Variants in CYP46A1 observed in about 807,000 individuals in gnomAD.
CYP46A1 encodes the protein cytochrome P450 family 46 subfamily A member 1.
Under a neutral mutation model 63.3 loss-of-function variants are expected in CYP46A1, and 20 were observed. The ratio of observed to expected loss-of-function variants is 0.32; its 90% CI spans 0.22 to 0.46. The LOEUF (loss-of-function observed/expected upper bound fraction) is 0.46, where lower values mean the gene tolerates loss of function less well. Among genes scored for constraint, CYP46A1 ranks in the 20% least tolerant of loss-of-function variants. The pLI, the probability that CYP46A1 is intolerant of heterozygous loss-of-function variation, is 1.00. For synonymous variants in CYP46A1, 268 were observed against 273.6 expected, an observed-to-expected ratio of 0.98 and a Z score of 0.20; for missense variants, 445 against 670.8, an observed-to-expected ratio of 0.66 and a Z score of 3.72.
intron 7 of CYP46A1, chr14:99,712,883 C>G (rs149515943): frequency 6.6e-6 from 1 of 152,110 alleles, no homozygotes; most frequent in Non-Finnish European, 1.5e-5. Context: ...CCATACTACC[C>G]GATTTCAAAA....
At chr14:99,694,227 A>G (rs1042954956) in intron 3 of CYP46A1, among the ~76,000 whole-genome samples, 1 of 151,612 alleles carries the variant, frequency 6.6e-6, no homozygotes, top group African/African-American at 2.4e-5. Context: ...CACATATTTC[A>G]AGAGATCTGT....
At chr14:99,712,375 A>C (rs904651344) in intron 7 of CYP46A1, 1 of 152,186 alleles carries the variant, frequency 6.6e-6, no homozygotes, top group African/African-American at 2.4e-5. Context: ...AGAAGACATG[A>C]TCTTATATTT....
intron 1 of CYP46A1, among the ~76,000 whole-genome samples, chr14:99,690,406 A>G (rs2056533520): frequency 6.6e-6 from 1 of 151,930 alleles, no homozygotes; most frequent in African/African-American, 2.4e-5. Context: ...TTACTTGTTT[A>G]TTTACTCTCC....
At position 99,699,551 on chromosome 14, in the gene CYP46A1, TGGTGGAAGGCCTG is replaced by T. The variant is rs1566828228; in HGVS notation, c.356+18_356+30del. On this transcript the variant is annotated intron_variant, in intron 4 of 14. Coordinates refer to ENST00000261835, the MANE Select transcript of CYP46A1 (RefSeq NM_006668.2). ...GTGTTTGGTGAGAGGTAAGGAGGTA[TGGTGGAAGGCCTG>T]GGTGGGAGGCCAGGAGAGCCCTGCT... is the stretch of plus-strand genomic sequence containing the variant. 1 of 1,613,838 alleles carries T rather than the reference TGGTGGAAGGCCTG, an allele frequency of 6.2e-7. No homozygotes were observed. Among genetic ancestry groups the T allele is most frequent in the African/African-American group, 1.3e-5 (1 of 74,874 alleles).
At position 99,726,544 on chromosome 14, in the gene CYP46A1, C is replaced by T; in HGVS notation, c.1333-13C>T. On this transcript the variant is annotated splice_polypyrimidine_tract_variant and intron_variant, in intron 14 of 14. Coordinates refer to ENST00000261835, the MANE Select transcript of CYP46A1 (RefSeq NM_006668.2). The stretch of plus-strand genomic sequence containing the variant: ...CTCCTTCATTCCTTCCTCATTTTGC[C>T]CGCTGGGCCCAGATGGAGGTGAAGG... The T allele has an allele frequency of 1.3e-6, 2 of 1,557,484 alleles. No individual in the cohort carries two copies. Among genetic ancestry groups the T allele is most frequent in the South Asian group, 1.2e-5 (1 of 82,960 alleles).
rs116833598 is a variant in CYP46A1, at chr14:99,689,002, G to A, written c.120-2079G>A. Among the ~76,000 whole-genome samples the A allele has an allele frequency of 7.9e-3, 1,199 of 152,254 alleles. 12 individuals are homozygous for A. Among genetic ancestry groups the A allele is most frequent in the Middle Eastern group, 0.054 (16 of 294 alleles). The stretch of plus-strand genomic sequence containing the variant: ...AGTCCACTTGGCTGGCTGTCCCTAT[G>A]CTCCCAACTTCTCAGTGATGGCTTA... On this transcript the variant is annotated intron_variant, in intron 1 of 14. Transcript: ENST00000261835.
Position 99,725,879 on chromosome 14 carries a change from A to G in CYP46A1, c.1266-311A>G, listed in dbSNP as rs375007998. On this transcript the variant is annotated intron_variant, in intron 13 of 14. Transcript: ENST00000261835. This position sits in a 1 kb window ranked among gnomAD's most constrained non-coding sequence, Gnocchi z 4.2. ...CTCCACAGCCTGCCTGAGTGTTCAG[A>G]TCCAGGCTCTGCCCAGAGCTGGATG... 4.1e-4 allele frequency among the ~76,000 whole-genome samples: 62 copies of G among 152,272 alleles called. No individual in the cohort carries two copies. The highest frequency in any genetic ancestry group is 2.9e-3 in the South Asian group (14 of 4,826).
chr14:99,703,979 A>G (rs2056653771), intron 5 of CYP46A1, among the ~76,000 whole-genome samples: 1 of 152,242 alleles, frequency 6.6e-6, no homozygotes, highest in Non-Finnish European at 1.5e-5. Flanking sequence ...AGCAAACTTC[A>G]GGAAGCTTTG....
At chr14:99,696,657 G>A (rs1346222512) in intron 3 of CYP46A1, among the ~76,000 whole-genome samples, 1 of 152,102 alleles carries the variant, frequency 6.6e-6, no homozygotes, top group Non-Finnish European at 1.5e-5. Flanking sequence ...TCTTAGATAT[G>A]TGGGTTCCAT....
intron 2 of CYP46A1, 150 bp from the exon 3 acceptor site, chr14:99,691,630 A>G (rs754203): frequency 0.3 from 208,002 of 689,676 alleles, 32,595 homozygotes; most frequent in East Asian, 0.37. Context: ...CCTTGCCCCC[A>G]GGGCTCCTGG....
intron 9 of CYP46A1, among the ~76,000 whole-genome samples, chr14:99,717,244 G>A (rs2056798421): frequency 1.3e-5 from 2 of 152,098 alleles, no homozygotes; most frequent in South Asian, 4.1e-4. Context: ...TTCCAGAGAG[G>A]GTTTATTAAT....
chr14:99,720,957 TGC>T (rs1182289327), intron 10 of CYP46A1, among the ~76,000 whole-genome samples: 3 of 151,966 alleles, frequency 2.0e-5, no homozygotes, highest in Non-Finnish European at 2.9e-5. Context: ...TGCTGGTGGG[TGC>T]CTGTAATCCC....
intron 3 of CYP46A1, chr14:99,695,484 C>T: frequency 2.5e-6 from 1 of 399,500 alleles, no homozygotes; most frequent in South Asian, 1.9e-5. Flanking sequence ...GGTGTGTACA[C>T]ATTTAGGATG....
chr14:99,685,655 T>C (rs2056487717), intron 1 of CYP46A1, among the ~76,000 whole-genome samples: 1 of 152,016 alleles, frequency 6.6e-6, no homozygotes, highest in Non-Finnish European at 1.5e-5. Flanking sequence ...CTTTTTAAAA[T>C]CTCAGGACAT....
At chr14:99,689,255 C>T (rs1475701122) in intron 1 of CYP46A1, among the ~76,000 whole-genome samples, 2 of 152,168 alleles carry the variant, frequency 1.3e-5, no homozygotes, top group African/African-American at 4.8e-5. Context: ...AGATTGGTCC[C>T]CCCAAAGCTG....
At chr14:99,717,764 G>A (rs2295911) in intron 9 of CYP46A1, 65,080 of 367,966 alleles carry the variant, frequency 0.18, 6,282 homozygotes, top group East Asian at 0.25. Flanking sequence ...CTGGGAAGGC[G>A]AGGCCTTGGG....
chr14:99,704,859 C>T (rs973642872), intron 5 of CYP46A1, among the ~76,000 whole-genome samples: 1 of 152,098 alleles, frequency 6.6e-6, no homozygotes, highest in Non-Finnish European at 1.5e-5. Context: ...AGAAGGGAGA[C>T]ATTCAGGTAG....
In CYP46A1 at chr14:99,715,957, A is replaced by G; in HGVS notation, c.841A>G (p.Lys281Glu). ...TGCCGACATCCTCACACAGATTCTGAAAGGTGCAAGGGCCCCCTCTGCGGA... is the reference window on the plus strand; with the variant it reads ...TGCCGACATCCTCACACAGATTCTGGAAGGTGCAAGGGCCCCCTCTGCGGA... Reference protein sequence around the residue: ...VPADILTQILKAEEGAQDDEG... With the variant: ...VPADILTQILEAEEGAQDDEG... The change falls in exon 8 of 15, where the codon AAA becomes GAA. Residue 281 changes from lysine (K) to glutamate (E), a missense_variant. This residue lies in a region of CYP46A1 where 252 missense variants were observed against 383.3 expected (regional missense o/e 0.66). Transcript: ENST00000261835. The G allele has an allele frequency of 6.2e-7, 1 of 1,606,360 alleles. No homozygotes were observed. Among genetic ancestry groups the G allele is most frequent in the South Asian group, 1.1e-5 (1 of 89,240 alleles).
At chr14:99,703,167 A>C (rs2056646746) in intron 5 of CYP46A1, among the ~76,000 whole-genome samples, 1 of 152,212 alleles carries the variant, frequency 6.6e-6, no homozygotes, top group Non-Finnish European at 1.5e-5. Flanking sequence ...ATCAGGAGGC[A>C]CATGCTACTG....
Sources: allele counts gnomAD v4.1 joint callset (sites outside exome capture counted in the v4.1 genomes callset), GRCh38; gene constraint gnomAD v4.1.1; regional missense constraint gnomAD v4.1.1; non-coding constraint Gnocchi (gnomAD v3.1); transcripts MANE v1.5; gene names NCBI Gene and HGNC (gene_info 2026-07-23, HGNC 2026-07-21).